Variants in NALCN observed in about 807,000 individuals in gnomAD.
NALCN encodes the protein sodium leak channel, non-selective.
NALCN carries 111 observed loss-of-function variants against 225.3 expected under a neutral mutation model. That is an observed-to-expected ratio of 0.49 (90% CI 0.42 to 0.58). The LOEUF (loss-of-function observed/expected upper bound fraction) is 0.58. Among genes scored for constraint, NALCN ranks in the 20% least tolerant of loss-of-function variants. NALCN has a pLI of 0.00. For missense variants in NALCN, 1,378 were observed against 2,202.4 expected (o/e 0.63, Z 7.49); for synonymous variants, 764 against 769.0 (o/e 0.99, Z 0.11).
chr13:101,122,284 T>G (rs1305395589), intron 18 of NALCN, among the ~76,000 whole-genome samples: 1 of 152,218 alleles, frequency 6.6e-6, no homozygotes, highest in Non-Finnish European at 1.5e-5. Context: ...AAGATCAAAT[T>G]TGTATTTTAA....
intron 15 of NALCN, among the ~76,000 whole-genome samples, chr13:101,172,213 G>A (rs775563219): frequency 2.0e-5 from 3 of 152,130 alleles, no homozygotes; most frequent in Non-Finnish European, 2.9e-5. Flanking sequence ...CGGGCCCACC[G>A]ACAATCCATC....
chr13:101,106,610 T>C (rs951433432), intron 22 of NALCN, among the ~76,000 whole-genome samples: 5 of 152,188 alleles, frequency 3.3e-5, no homozygotes, highest in African/African-American at 9.7e-5. Context: ...CAGTCAGAGA[T>C]AATTGAATCA....
chr13:101,234,170 T>C (rs542039005), intron 12 of NALCN, among the ~76,000 whole-genome samples: 1 of 152,350 alleles, frequency 6.6e-6, no homozygotes, highest in East Asian at 1.9e-4. Context: ...ACATTTCCAG[T>C]ACTTGTACTT....
In NALCN at chr13:101,414,052, A is replaced by ATTTTT. The variant is rs34061768; in HGVS notation, c.-40+2256_-40+2260dup. On this transcript the variant is annotated intron_variant, in intron 1 of 43. Transcript: ENST00000251127. ...AGGTGTACACCACTACACTTGGTGAATTTTTTTTTTTTTTGTAGAGACGGG... is the reference window on the plus strand; with the variant it reads ...AGGTGTACACCACTACACTTGGTGAATTTTTTTTTTTTTTTTTTTGTAGAGACGGG... Among the ~76,000 whole-genome samples the ATTTTT allele has an allele frequency of 1.4e-5, 2 of 147,558 alleles. 1 individual carries two copies. The highest frequency in any genetic ancestry group is 5.0e-5 in the African/African-American group (2 of 39,866).
At chr13:101,171,438 CATAT>C (rs1367416487) in intron 15 of NALCN, among the ~76,000 whole-genome samples, 1 of 151,196 alleles carries the variant, frequency 6.6e-6, no homozygotes, top group African/African-American at 2.4e-5. Context: ...CACACACACA[CATAT>C]ATATTTTTTT....
At chr13:101,324,350 A>C in intron 7 of NALCN, among the ~76,000 whole-genome samples, 1 of 152,228 alleles carries the variant, frequency 6.6e-6, no homozygotes, top group East Asian at 1.9e-4. Context: ...CAAAAGAAAC[A>C]CTAAAACTTT....
At chr13:101,061,621 T>A (rs1053651617) in intron 41 of NALCN, among the ~76,000 whole-genome samples, 2 of 152,058 alleles carry the variant, frequency 1.3e-5, no homozygotes, top group African/African-American at 4.8e-5. Flanking sequence ...CTCAAGTGAG[T>A]TGAGCTCCCC....
chr13:101,172,788 C>T (rs941210086), intron 15 of NALCN, among the ~76,000 whole-genome samples: 17 of 152,032 alleles, frequency 1.1e-4, no homozygotes, highest in Admixed American at 9.8e-4. Flanking sequence ...AGGATGGTCT[C>T]GATCTCCTGA....
intron 7 of NALCN, among the ~76,000 whole-genome samples, chr13:101,341,970 C>T (rs1264955206): frequency 1.3e-5 from 2 of 152,196 alleles, no homozygotes; most frequent in African/African-American, 2.4e-5. Flanking sequence ...ATTCTATGAA[C>T]CAGGAAGTGA....
intron 43 of NALCN, chr13:101,057,375 G>A (rs1005282456): frequency 1.3e-5 from 2 of 155,000 alleles, no homozygotes; most frequent in African/African-American, 4.8e-5. Context: ...TTAAAGGATT[G>A]AATGAGAGAA....
At chr13:101,111,459 C>T (rs970910718) in intron 18 of NALCN, among the ~76,000 whole-genome samples, 14 of 152,074 alleles carry the variant, frequency 9.2e-5, no homozygotes, top group African/African-American at 3.4e-4. Context: ...CAGAAAGCTC[C>T]CCTCTTGCCC....
At chr13:101,126,911 G>A (rs1800208316) in intron 17 of NALCN, among the ~76,000 whole-genome samples, 2 of 152,168 alleles carry the variant, frequency 1.3e-5, no homozygotes, top group African/African-American at 2.4e-5. Flanking sequence ...TCATCGTGGA[G>A]CATCTGCTCT....
At chr13:101,270,009 A>G (rs1453209847) in intron 10 of NALCN, among the ~76,000 whole-genome samples, 1 of 152,238 alleles carries the variant, frequency 6.6e-6, no homozygotes, top group Non-Finnish European at 1.5e-5. Context: ...GAAAGAGTAG[A>G]AAAATCCAAC....
chr13:101,173,950 T>C (rs1196246205), intron 15 of NALCN, among the ~76,000 whole-genome samples: 1 of 152,106 alleles, frequency 6.6e-6, no homozygotes, highest in Non-Finnish European at 1.5e-5. Flanking sequence ...TGTGTGTTTT[T>C]AAAAATATGC....
At chr13:101,275,103 G>T (rs974717328) in intron 10 of NALCN, among the ~76,000 whole-genome samples, 10 of 152,066 alleles carry the variant, frequency 6.6e-5, no homozygotes, top group African/African-American at 2.2e-4. Flanking sequence ...TGCTGCTCCC[G>T]GCCACGCCTC....
At chr13:101,295,119 T>C (rs1487920231) in intron 7 of NALCN, among the ~76,000 whole-genome samples, 1 of 152,156 alleles carries the variant, frequency 6.6e-6, no homozygotes, top group East Asian at 1.9e-4. Context: ...CTTATAAGTT[T>C]CTTAAAAGTT....
chr13:101,411,212 TTTTC>T (rs200462779), intron 1 of NALCN, among the ~76,000 whole-genome samples: 5 of 151,722 alleles, frequency 3.3e-5, no homozygotes, highest in African/African-American at 1.2e-4. Context: ...TCTTTCTTTT[TTTTC>T]CTTTTTTTTT....
At chr13:101,379,762 T>G (rs796714542) in intron 3 of NALCN, among the ~76,000 whole-genome samples, 5 of 152,160 alleles carry the variant, frequency 3.3e-5, no homozygotes, top group African/African-American at 9.6e-5. Context: ...ACACCTAACG[T>G]AGATGACAGG....
At chr13:101,360,153 T>A (rs2046199234) in intron 6 of NALCN, among the ~76,000 whole-genome samples, 1 of 138,834 alleles carries the variant, frequency 7.2e-6, no homozygotes, top group African/African-American at 3.4e-5. Context: ...TCTTTTTTTC[T>A]TTCTTTCTTT....
Sources: gnomAD v4.1 joint callset for allele counts (sites outside exome capture counted in the v4.1 genomes callset) on GRCh38, gnomAD v4.1.1 for gene constraint, MANE v1.5 for transcripts, NCBI Gene and HGNC (gene_info 2026-07-23, HGNC 2026-07-21) for gene names.